Variants in EPDR1 observed in about 807,000 individuals in gnomAD.
EPDR1 encodes the protein mammalian ependymin-related protein 1.
In EPDR1, 27 loss-of-function variants were observed where a neutral mutation model predicts 23.7. The ratio of observed to expected loss-of-function variants is 1.14; its 90% confidence interval spans 0.84 to 1.57. The LOEUF is 1.57. Among genes scored for constraint, EPDR1 ranks in the 40% most tolerant of loss-of-function variants. The pLI, the probability that EPDR1 is intolerant of heterozygous loss-of-function variation, is 0.00. For synonymous variants in EPDR1, 137 were observed against 118.2 expected (o/e 1.16, Z -1.03); for missense variants, 349 against 290.4 (o/e 1.20, Z -1.47).
In EPDR1 at chr7:37,950,259, A is replaced by G; in HGVS notation, c.538A>G (p.Thr180Ala). 1 of 1,614,126 alleles carries G rather than the reference A, an allele frequency of 6.2e-7. No individual in the cohort carries two copies. The highest frequency in any genetic ancestry group is 8.5e-7 in the Non-Finnish European group (1 of 1,180,010). ...KDCYPVQETF[T>A]INYSVILSTR... ...TTGCTATCCTGTCCAGGAAACCTTT[A>G]CCATAAACTACAGTGTGATATTGTC... is the stretch of plus-strand genomic sequence containing the variant. Residue 180 changes from threonine to alanine, a missense_variant, in exon 3 of 3, where the codon ACC becomes GCC. Physicochemically the swap from Thr to Ala is moderately conservative, Grantham distance 58. Coordinates refer to ENST00000199448, the MANE Select transcript of EPDR1 (RefSeq NM_017549.5).
chr7:37,946,668 A>G (rs1483602022), intron 1 of EPDR1, among the ~76,000 whole-genome samples: 1 of 152,190 alleles, frequency 6.6e-6, no homozygotes, highest in African/African-American at 2.4e-5. Context: ...AGCTCCATGC[A>G]TGTTACTGGC....
chr7:37,944,027 A>G (rs766920264), intron 1 of EPDR1, among the ~76,000 whole-genome samples: 2 of 152,172 alleles, frequency 1.3e-5, no homozygotes, highest in Non-Finnish European at 1.5e-5. Flanking sequence ...GGGTCTCTCC[A>G]TGGAGCACTG....
At chr7:37,921,548 C>T in intron 1 of EPDR1, 1 of 1,251,246 alleles carries the variant, frequency 8.0e-7, no homozygotes, top group Non-Finnish European at 1.0e-6. Flanking sequence ...GCTCTGGGCT[C>T]ATGGAGCCCC....
chr7:37,943,966 C>T (rs1239496124), intron 1 of EPDR1, among the ~76,000 whole-genome samples: 1 of 152,220 alleles, frequency 6.6e-6, no homozygotes, highest in Non-Finnish European at 1.5e-5. Context: ...TGATGCCACA[C>T]AGGGCCATGC....
intron 1 of EPDR1, among the ~76,000 whole-genome samples, chr7:37,922,915 G>A (rs1785738815): frequency 6.6e-6 from 1 of 152,210 alleles, no homozygotes; most frequent in South Asian, 2.1e-4. Context: ...GCTGAAATGA[G>A]AGTGAGTTCC....
At position 37,935,993 on chromosome 7, in the gene EPDR1, CATATATATATATAT is replaced by C. The variant is rs752536687; in HGVS notation, c.270-12813_270-12800del. Among the ~76,000 whole-genome samples, 242 of 45,588 alleles carry C rather than the reference CATATATATATATAT, an allele frequency of 5.3e-3. 18 individuals carry two copies. Among genetic ancestry groups the C allele is most frequent in the African/African-American group, 0.011 (149 of 14,114 alleles). The allele number at this position is 45,588 out of a possible 152,430, so 29.9% of individuals were successfully genotyped here. A position where few individuals can be genotyped will look rare whatever the true frequency, so the allele number is the denominator to read the frequency against. On this transcript the variant is annotated intron_variant, in intron 1 of 2. Transcript: ENST00000199448. The stretch of plus-strand genomic sequence containing the variant: ...TGATTTGGGAACTAGCAAATCATGG[CATATATATATATAT>C]ATATATATATATATATATATATATA...
intron 1 of EPDR1, among the ~76,000 whole-genome samples, chr7:37,938,268 G>C (rs1786099231): frequency 6.6e-6 from 1 of 152,022 alleles, no homozygotes; most frequent in South Asian, 2.1e-4. Context: ...GGGATTACAG[G>C]CTTGAGCCAC....
chr7:37,936,051 A>G, intron 1 of EPDR1, among the ~76,000 whole-genome samples: 1 of 92,446 alleles, frequency 1.1e-5, no homozygotes, highest in Non-Finnish European at 2.4e-5. Context: ...CACAAGGGAA[A>G]TGTGAATCTG....
chr7:37,945,137 G>C (rs1786247668), intron 1 of EPDR1, among the ~76,000 whole-genome samples: 1 of 152,208 alleles, frequency 6.6e-6, no homozygotes, highest in South Asian at 2.1e-4. Flanking sequence ...GGTTAATGTT[G>C]CTGTGTTTCT....
intron 1 of EPDR1, among the ~76,000 whole-genome samples, chr7:37,927,362 A>G (rs966481482): frequency 2.0e-5 from 3 of 149,042 alleles, no homozygotes; most frequent in African/African-American, 4.8e-5. Flanking sequence ...CCAACACTAC[A>G]TGGTTCATTC....
intron 1 of EPDR1, among the ~76,000 whole-genome samples, chr7:37,932,697 C>T (rs1785968948): frequency 1.3e-5 from 2 of 152,174 alleles, no homozygotes; most frequent in South Asian, 2.1e-4. Flanking sequence ...CCTGCTATGT[C>T]GTTTTAGAAG....
Position 37,948,944 on chromosome 7 carries a change from T to G in EPDR1, c.374T>G (p.Leu125Arg). 1 of 1,614,132 alleles carries G rather than the reference T, an allele frequency of 6.2e-7. No homozygotes were observed. Among genetic ancestry groups the G allele is most frequent in the Non-Finnish European group, 8.5e-7 (1 of 1,180,022 alleles). Residue 125 changes from leucine (L) to arginine (R), a missense_variant, in exon 2 of 3, where the codon CTT becomes CGT. By Grantham distance (102) the Leu-to-Arg change is moderately radical (BLOSUM62 -2). Transcript: ENST00000199448. ...KMTLTQPWDP[L>R]DIPQNSTFED... ...ACCCTGACACAGCCCTGGGATCCTCTTGACATTCCTCAAAACTCCACCTTT... is the reference window on the plus strand; with the variant it reads ...ACCCTGACACAGCCCTGGGATCCTCGTGACATTCCTCAAAACTCCACCTTT...
intron 1 of EPDR1, among the ~76,000 whole-genome samples, chr7:37,925,364 GC>G (rs1322513026): frequency 2.6e-5 from 4 of 152,154 alleles, no homozygotes; most frequent in Admixed American, 6.5e-5. Context: ...AAAACAATAT[GC>G]ACAGTCTGGT....
intron 1 of EPDR1, among the ~76,000 whole-genome samples, chr7:37,938,203 G>C (rs1370401439): frequency 6.6e-6 from 1 of 151,742 alleles, no homozygotes; most frequent in Non-Finnish European, 1.5e-5. Context: ...TGTTAGCCAG[G>C]ATGGTCTCCA....
chr7:37,926,475 T>G (rs1413508135), intron 1 of EPDR1, among the ~76,000 whole-genome samples: 1 of 27,156 alleles, frequency 3.7e-5, no homozygotes, highest in Admixed American at 6.1e-4. Context: ...ATGTTCTTCA[T>G]AGCAAAAAAA....
intron 1 of EPDR1, among the ~76,000 whole-genome samples, chr7:37,937,929 C>A (rs1436527408): frequency 6.0e-5 from 9 of 150,070 alleles, no homozygotes; most frequent in Non-Finnish European, 1.3e-4. Flanking sequence ...GGGAATTTAA[C>A]CATGTCAATG....
intron 1 of EPDR1, among the ~76,000 whole-genome samples, chr7:37,934,068 C>G (rs954315774): frequency 6.6e-6 from 1 of 151,882 alleles, no homozygotes; most frequent in Non-Finnish European, 1.5e-5. Context: ...GCTCCACTTC[C>G]CGGGTTCACG....
At chr7:37,928,154 C>T (rs1785855037) in intron 1 of EPDR1, among the ~76,000 whole-genome samples, 1 of 152,150 alleles carries the variant, frequency 6.6e-6, no homozygotes, top group Non-Finnish European at 1.5e-5. Flanking sequence ...GAATGGAAGC[C>T]AGAGGTGGTC....
intron 2 of EPDR1, among the ~76,000 whole-genome samples, 172 bp from the exon 3 acceptor site, chr7:37,950,028 T>C (rs923955516): frequency 3.9e-5 from 6 of 152,202 alleles, no homozygotes; most frequent in Admixed American, 6.5e-5. Flanking sequence ...AAAAAAGTTC[T>C]GGAGATGGAT....
Sources: allele counts gnomAD v4.1 joint callset (sites outside exome capture counted in the v4.1 genomes callset), GRCh38; gene constraint gnomAD v4.1.1; transcripts MANE v1.5; gene names NCBI Gene and HGNC (gene_info 2026-07-23, HGNC 2026-07-21).